The following BNC2 variants were observed in gnomAD, a reference collection of about 807,000 sequenced individuals.
BNC2 encodes basonuclin zinc finger protein 2.
BNC2 carries 20 observed loss-of-function variants against 76.3 expected under a neutral mutation model. The observed-to-expected ratio is 0.26, with a 90% CI of 0.18 to 0.38. The LOEUF is 0.38. Among genes scored for constraint, BNC2 ranks in the 10% least tolerant of loss-of-function variants. The pLI is 1.00. For synonymous variants in BNC2, 582 were observed against 514.8 expected (o/e 1.13, Z -1.77); for missense variants, 1,382 against 1,399.8 (o/e 0.99, Z 0.20).
rs369857371 is a variant in BNC2, at chr9:16,665,386, A to AGAGAGAG, written c.330+62410_330+62411insCTCTCTC. Among the ~76,000 whole-genome samples, 75 of 84,290 alleles carry AGAGAGAG rather than the reference A, an allele frequency of 8.9e-4. 9 individuals carry two copies. Among genetic ancestry groups the AGAGAGAG allele is most frequent in the African/African-American group, 3.0e-3 (61 of 20,518 alleles). The allele number at this position is 84,290 out of a possible 152,430, so 55.3% of individuals were successfully genotyped here. ...CCTCTGTCTCAAAAAAAAAAAAAAA[A>AGAGAGAG]AGAGAGAGAGAGAGAGAAAGAGAGA... On this transcript the variant is annotated intron_variant, in intron 3 of 6. Coordinates refer to ENST00000380672, the MANE Select transcript of BNC2 (RefSeq NM_017637.6).
chr9:16,501,912 A>T (rs903966851), intron 5 of BNC2, among the ~76,000 whole-genome samples: 4 of 152,236 alleles, frequency 2.6e-5, no homozygotes, highest in Non-Finnish European at 5.9e-5. Flanking sequence ...ACAGAGAATA[A>T]GTGACTAAGC....
At chr9:16,678,396 T>A (rs1013712362) in intron 3 of BNC2, among the ~76,000 whole-genome samples, 1 of 141,814 alleles carries the variant, frequency 7.1e-6, no homozygotes, top group South Asian at 2.5e-4. Context: ...AGCCTCCAAA[T>A]AGCTGGGATT....
chr9:16,767,212 T>C (rs1033428788), intron 1 of BNC2, among the ~76,000 whole-genome samples: 1 of 152,130 alleles, frequency 6.6e-6, no homozygotes, highest in African/African-American at 2.4e-5. Flanking sequence ...AAGCAACCAG[T>C]CAATTAAATC....
chr9:16,696,640 T>C (rs1471520779), intron 3 of BNC2, among the ~76,000 whole-genome samples: 1 of 152,196 alleles, frequency 6.6e-6, no homozygotes. Context: ...GCACTTGCCA[T>C]ACTGCTTTAC....
chr9:16,573,579 C>T (rs142238784), intron 4 of BNC2, among the ~76,000 whole-genome samples: 2 of 152,212 alleles, frequency 1.3e-5, no homozygotes, highest in East Asian at 3.9e-4. Flanking sequence ...CCAAGACTGT[C>T]CTTTCAATTA....
At chr9:16,454,013 T>C (rs1389572832) in intron 5 of BNC2, among the ~76,000 whole-genome samples, 1 of 152,200 alleles carries the variant, frequency 6.6e-6, no homozygotes, top group Non-Finnish European at 1.5e-5. Context: ...GTTTTGCTTA[T>C]GCTACCTCTT....
intron 5 of BNC2, among the ~76,000 whole-genome samples, chr9:16,481,055 G>A (rs955142647): frequency 2.0e-5 from 3 of 152,176 alleles, no homozygotes; most frequent in African/African-American, 4.8e-5. Context: ...CTAGCTCAAG[G>A]TTTGTAAACG....
At chr9:16,560,997 G>GA (rs906751228) in intron 4 of BNC2, among the ~76,000 whole-genome samples, 1 of 152,072 alleles carries the variant, frequency 6.6e-6, no homozygotes, top group African/African-American at 2.4e-5. Context: ...CAGCACTTTG[G>GA]GAGGCCCAGC....
At chr9:16,553,599 C>G (rs1352319848) in intron 4 of BNC2, among the ~76,000 whole-genome samples, 2 of 152,142 alleles carry the variant, frequency 1.3e-5, no homozygotes, top group African/African-American at 2.4e-5. Flanking sequence ...TGTATTTCAG[C>G]TAACTGTATT....
At chr9:16,732,162 A>AAAAAGAAAAAAAG (rs1554718910) in intron 2 of BNC2, among the ~76,000 whole-genome samples, 1 of 123,588 alleles carries the variant, frequency 8.1e-6, no homozygotes, top group Non-Finnish European at 1.7e-5. Context: ...TCCTGCAAAA[A>AAAAAGAAAAAAAG]AAAAAGAAAA....
At chr9:16,475,002 C>T (rs991935727) in intron 5 of BNC2, among the ~76,000 whole-genome samples, 2 of 152,164 alleles carry the variant, frequency 1.3e-5, no homozygotes, top group African/African-American at 4.8e-5. Flanking sequence ...AATGCCATGC[C>T]ATATGAGATT....
chr9:16,769,228 C>A (rs1825771891), intron 1 of BNC2, among the ~76,000 whole-genome samples: 1 of 152,304 alleles, frequency 6.6e-6, no homozygotes, highest in East Asian at 1.9e-4. Flanking sequence ...AAGTGTCTTG[C>A]CATGCCTACA....
At chr9:16,861,621 T>C (rs1819412668) in intron 1 of BNC2, among the ~76,000 whole-genome samples, 1 of 152,058 alleles carries the variant, frequency 6.6e-6, no homozygotes, top group Non-Finnish European at 1.5e-5. Flanking sequence ...CACAGAGATA[T>C]CACTTCATAG....
chr9:16,727,600 TAAGAC>T, intron 3 of BNC2, 192 bp downstream of exon 3: 1 of 582,690 alleles, frequency 1.7e-6, no homozygotes, highest in Non-Finnish European at 3.0e-6. Flanking sequence ...CTTTTTCTTT[TAAGAC>T]GCCCTTAGGG....
At chr9:16,455,523 G>C (rs1821428740) in intron 5 of BNC2, among the ~76,000 whole-genome samples, 1 of 152,188 alleles carries the variant, frequency 6.6e-6, no homozygotes, top group Admixed American at 6.5e-5. Context: ...GGGCGTGATG[G>C]TTCACACCTG....
At chr9:16,765,394 GATA>G (rs1825663052) in intron 1 of BNC2, among the ~76,000 whole-genome samples, 1 of 151,988 alleles carries the variant, frequency 6.6e-6, no homozygotes, top group African/African-American at 2.4e-5. Flanking sequence ...GAAATGAAGG[GATA>G]AAAGCTAAAT....
intron 5 of BNC2, among the ~76,000 whole-genome samples, chr9:16,474,561 G>T (rs541323753): frequency 5.2e-4 from 79 of 152,268 alleles, no homozygotes; most frequent in African/African-American, 1.6e-3. Flanking sequence ...GTGCTGGTGG[G>T]GAGAAGGTTT....
chr9:16,601,109 T>C (rs376122569), intron 3 of BNC2, among the ~76,000 whole-genome samples: 1 of 152,210 alleles, frequency 6.6e-6, no homozygotes, highest in Admixed American at 6.5e-5. Flanking sequence ...TCTTTAGCTA[T>C]GAACCAAATG....
At chr9:16,592,098 T>C (rs1219368130) in intron 3 of BNC2, among the ~76,000 whole-genome samples, 1 of 151,430 alleles carries the variant, frequency 6.6e-6, no homozygotes, top group East Asian at 2.2e-4. Context: ...AATTTAAAGA[T>C]GGTTAACCAC....
Sources: gnomAD v4.1 joint callset for allele counts (sites outside exome capture counted in the v4.1 genomes callset) on GRCh38, gnomAD v4.1.1 for gene constraint, MANE v1.5 for transcripts, NCBI Gene and HGNC (gene_info 2026-07-23, HGNC 2026-07-21) for gene names.